ZNF740: variants seen among roughly 807,000 people sequenced by gnomAD.
ZNF740 encodes zinc finger protein 740, also known as oriLyt TD-element-binding protein 7.
A neutral mutation model predicts 24.8 loss-of-function variants in ZNF740; 14 were observed. That is an observed-to-expected ratio of 0.56 (90% CI 0.37 to 0.88). ZNF740 has a LOEUF of 0.88. Ranked by LOEUF, ZNF740 falls within the 40% of genes least tolerant of loss-of-function variation. ZNF740 has a pLI of 0.00. For missense variants in ZNF740, 201 were observed against 247.9 expected (o/e 0.81, Z 1.27); for synonymous variants, 69 against 84.0 (o/e 0.82, Z 0.98).
At position 53,193,655 on chromosome 12, in the gene ZNF740, G is replaced by C; in HGVS notation, c.*6065G>C. 1 of 1,487,114 alleles carries C rather than the reference G, an allele frequency of 6.7e-7. No individual in the cohort carries two copies. The highest frequency in any genetic ancestry group is 9.2e-7 in the Non-Finnish European group (1 of 1,086,956). The allele number at this position is 1,487,114 out of a possible 1,614,324, so 92.1% of individuals were successfully genotyped here. ...GAAAGCAGCGGAGGAATACGGGCCA[G>C]GGTTGGTTGGTTGTTGGGAGCCAGG... On this transcript the variant is annotated 3_prime_UTR_variant, in exon 7 of 7. Coordinates refer to ENST00000416904, the MANE Select transcript of ZNF740 (RefSeq NM_001004304.4).
rs980962063 is a variant in ZNF740 at position 53,186,225 on chromosome 12, G to T, written c.373+148G>T. The T allele has an allele frequency of 9.6e-6, 12 of 1,248,504 alleles. No homozygotes were observed. In the South Asian group the frequency reaches 1.7e-4, roughly 17 times the overall value. The allele number at this position is 1,248,504 out of a possible 1,614,324, so 77.3% of individuals were successfully genotyped here. ...GTCAATGAAGCAGAGAGATTGCATG[G>T]CTTTGTATCTGGTGTCACTGAGACC... On this transcript the variant is annotated intron_variant, in intron 5 of 6. Transcript: ENST00000416904.
rs1942087087 is a variant in ZNF740 at position 53,194,480 on chromosome 12, GTCGA to G, written c.*6891_*6894del. On this transcript the variant is annotated 3_prime_UTR_variant, in exon 7 of 7. Coordinates refer to ENST00000416904, the MANE Select transcript of ZNF740 (RefSeq NM_001004304.4). ...CCTGGGGCTCCTTCCATTCTGCCCA[GTCGA>G]GGCATTTCTGGAGGGAGGACCCGTG... 1 of 815,110 alleles carries G rather than the reference GTCGA, an allele frequency of 1.2e-6. No homozygotes were observed. 50.5% of individuals were successfully genotyped at this position (815,110 alleles called of 1,614,324 possible).
At position 53,193,584 on chromosome 12, in the gene ZNF740, CTGAG is replaced by C. The variant is rs1942047324; in HGVS notation, c.*5997_*6000del. The C allele has an allele frequency of 1.1e-6, 1 of 908,712 alleles. No individual in the cohort carries two copies. The highest frequency in any genetic ancestry group is 1.7e-6 in the Non-Finnish European group (1 of 605,304). The allele number at this position is 908,712 out of a possible 1,614,324, so 56.3% of individuals were successfully genotyped here. A position where few individuals can be genotyped will look rare whatever the true frequency, so the allele number is the denominator to read the frequency against. On this transcript the variant is annotated 3_prime_UTR_variant, in exon 7 of 7. Transcript: ENST00000416904. ...ACATGGGAAGCTTCAAGGGATGAAA[CTGAG>C]TGGGGAGTCGGGATGTCGAGGAGAC...
At chr12:53,184,395 C>T (rs1941782329) in intron 2 of ZNF740, among the ~76,000 whole-genome samples, 1 of 152,086 alleles carries the variant, frequency 6.6e-6, no homozygotes, top group Non-Finnish European at 1.5e-5. Flanking sequence ...CACCTATTGT[C>T]CAGGCTTGTC....
At position 53,191,534 on chromosome 12, in the gene ZNF740, T is replaced by A; in HGVS notation, c.*3944T>A. 1 of 1,570,632 alleles carries A rather than the reference T, an allele frequency of 6.4e-7. No homozygotes were observed. The highest frequency in any genetic ancestry group is 1.3e-5 in the African/African-American group (1 of 74,138). On this transcript the variant is annotated 3_prime_UTR_variant, in exon 7 of 7. Coordinates refer to ENST00000416904, the MANE Select transcript of ZNF740 (RefSeq NM_001004304.4). ...CACTGTCCTCCAAGGAGAAGAGCCT[T>A]GGGTAAGTGTCCCTCCCTCCTTCAG...
chr12:53,181,739 C>T lies in ZNF740; in HGVS notation c.-245C>T. ...CAACTGGAAAACCAAGACTGGTAGA[C>T]TCTCTTTTTCTTCAGACAATAGGCA... On this transcript the variant is annotated 5_prime_UTR_variant, in exon 2 of 7. Transcript: ENST00000416904. 1.9e-6 allele frequency: 1 copy of T among 539,482 alleles called. No homozygotes were observed. Among genetic ancestry groups the T allele is most frequent in the Non-Finnish European group, 3.1e-6 (1 of 319,284 alleles). 33.4% of individuals were successfully genotyped at this position (539,482 alleles called of 1,614,324 possible). A position where few individuals can be genotyped will look rare whatever the true frequency, so the allele number is the denominator to read the frequency against.
At position 53,186,310 on chromosome 12, in the gene ZNF740, G is replaced by A. The variant is rs1049860416; in HGVS notation, c.374-81G>A. 7.4e-6 allele frequency: 10 copies of A among 1,350,888 alleles called. No individual in the cohort carries two copies. In the African/African-American group the frequency reaches 1.3e-4, roughly 18 times the overall value. The allele number at this position is 1,350,888 out of a possible 1,614,324, so 83.7% of individuals were successfully genotyped here. A position where few individuals can be genotyped will look rare whatever the true frequency, so the allele number is the denominator to read the frequency against. ...CTTAGGTGTCTACACATTACTAAGA[G>A]TTAAAGTTTCTGAGAAAACTGGAAT... is the stretch of plus-strand genomic sequence containing the variant. On this transcript the variant is annotated intron_variant, in intron 5 of 6. Coordinates refer to ENST00000416904, the MANE Select transcript of ZNF740 (RefSeq NM_001004304.4).
At position 53,193,719 on chromosome 12, in the gene ZNF740, A is replaced by G; in HGVS notation, c.*6129A>G. 1.2e-6 allele frequency: 2 copies of G among 1,612,662 alleles called. No homozygotes were observed. The highest frequency in any genetic ancestry group is 2.2e-5 in the South Asian group (2 of 90,954). On this transcript the variant is annotated 3_prime_UTR_variant, in exon 7 of 7. Coordinates refer to ENST00000416904, the MANE Select transcript of ZNF740 (RefSeq NM_001004304.4). ...GAGGAGGCCCTCACCTGCATACACC[A>G]CATTGTAGGTGTCCCTGGCCATCAC...
chr12:53,181,037 C>T (rs1381488729), intron 1 of ZNF740, 200 bp downstream of exon 1: 2 of 884,196 alleles, frequency 2.3e-6, no homozygotes, highest in Non-Finnish European at 2.8e-6. Flanking sequence ...CGCCGCGTCC[C>T]CGGCCCGGGA....
At position 53,187,488 on chromosome 12, in the gene ZNF740, C is replaced by T. The variant is rs1278798558; in HGVS notation, c.493-13C>T. ...TTGTCTGCTCAGGCACTTAACCCTC[C>T]CTTTCTTCTCAGTGTTTTTCTCGGA... On this transcript the variant is annotated splice_polypyrimidine_tract_variant and intron_variant, in intron 6 of 6. Coordinates refer to ENST00000416904, the MANE Select transcript of ZNF740 (RefSeq NM_001004304.4). The T allele has an allele frequency of 1.2e-5, 20 of 1,613,046 alleles. No individual in the cohort carries two copies. The highest frequency in any genetic ancestry group is 1.7e-5 in the Non-Finnish European group (20 of 1,179,124).
Position 53,185,446 on chromosome 12 carries a change from G to A in ZNF740, c.219G>A (p.Glu73=). The A allele has an allele frequency of 1.2e-6, 2 of 1,613,988 alleles. No individual in the cohort carries two copies. The highest frequency in any genetic ancestry group is 2.7e-5 in the African/African-American group (2 of 75,048). ...GCAAAGATGATGACAGCTTGTCTGAGGCCTCTCATTCAAAAAAGACTGTTA... is the reference window on the plus strand; with the variant it reads ...GCAAAGATGATGACAGCTTGTCTGAAGCCTCTCATTCAAAAAAGACTGTTA... ...RSRKDDDSLS[E]ASHSKKTVKK... is the part of the protein sequence containing the mutation. The change falls in exon 4 of 7, where the codon GAG becomes GAA. Residue 73 remains glutamate (E), a synonymous_variant. Coordinates refer to ENST00000416904, the MANE Select transcript of ZNF740 (RefSeq NM_001004304.4).
chr12:53,185,039 A>G lies in ZNF740; in HGVS notation c.158A>G (p.Gln53Arg). Residue 53 changes from glutamine (Q) to arginine (R), a missense_variant and splice_region_variant, in exon 3 of 7, where the codon CAG becomes CGG. Physicochemically the swap from Gln to Arg is conservative, Grantham distance 43 (BLOSUM62 1). Transcript: ENST00000416904. ...GSPDVLRCSS[Q>R]GHRKDSDKSR... ...CCTGATGTGCTGAGGTGCTCGAGTC[A>G]GGTACAGCGCTTGAGTCCATTGTGG... 6.2e-7 allele frequency: 1 copy of G among 1,613,872 alleles called. No individual in the cohort carries two copies.
intron 2 of ZNF740, among the ~76,000 whole-genome samples, chr12:53,183,527 C>T (rs1941745947): frequency 6.6e-6 from 1 of 151,976 alleles, no homozygotes; most frequent in East Asian, 1.9e-4. Flanking sequence ...TTCTTTAATG[C>T]CGGCTAACCG....
rs747177657 is a variant in ZNF740, at chr12:53,194,270, A to G, written c.*6680A>G. Reference sequence around the variant, plus strand: ...TACCCTCCCTCTTCTCAGGACCCTCACACTGGGATTCGTAAGAAATGTGGA... The same window carrying G: ...TACCCTCCCTCTTCTCAGGACCCTCGCACTGGGATTCGTAAGAAATGTGGA... On this transcript the variant is annotated 3_prime_UTR_variant, in exon 7 of 7. Coordinates refer to ENST00000416904, the MANE Select transcript of ZNF740 (RefSeq NM_001004304.4). 6.2e-7 allele frequency: 1 copy of G among 1,613,688 alleles called. No homozygotes were observed. The highest frequency in any genetic ancestry group is 8.5e-7 in the Non-Finnish European group (1 of 1,179,888).
At chr12:53,183,129 TC>T (rs1210872215) in intron 2 of ZNF740, among the ~76,000 whole-genome samples, 5 of 152,244 alleles carry the variant, frequency 3.3e-5, no homozygotes, top group Non-Finnish European at 7.3e-5. Flanking sequence ...AGTTTCTTCT[TC>T]CTTTGTGTTT....
rs1565693292 is a variant in ZNF740, at chr12:53,188,399, TTTC to T, written c.*815_*817del. On this transcript the variant is annotated 3_prime_UTR_variant, in exon 7 of 7. Transcript: ENST00000416904. The stretch of plus-strand genomic sequence containing the variant: ...GGGTGAGAGTGGCCCATGAAGCCCT[TTTC>T]TTCTTTTTTTGGGGAGTCGGTCTTG... 1 of 152,574 alleles carries T rather than the reference TTTC, an allele frequency of 6.6e-6. No homozygotes were observed. Among genetic ancestry groups the T allele is most frequent in the African/African-American group, 2.4e-5 (1 of 41,426 alleles). The allele number at this position is 152,574 out of a possible 1,614,324, so 9.5% of individuals were successfully genotyped here.
chr12:53,185,090 T>A, intron 3 of ZNF740, 50 bp downstream of exon 3: 1 of 1,608,458 alleles, frequency 6.2e-7, no homozygotes, highest in Non-Finnish European at 8.5e-7. Flanking sequence ...TGGCCCAAGC[T>A]CTCTGCCAGG....
In ZNF740 at chr12:53,180,925, G is replaced by GGGGGA. The variant is rs1157428458; in HGVS notation, c.-308+101_-308+105dup. Reference sequence around the variant, plus strand: ...CAAGCCGTGGGGTGCCGCGCGGGAAGGGGGAGGGGAGGGGAGGAGGGGCGC... The same window carrying GGGGGA: ...CAAGCCGTGGGGTGCCGCGCGGGAAGGGGGAGGGGAGGGGAGGGGAGGAGGGGCGC... On this transcript the variant is annotated intron_variant, in intron 1 of 6. Coordinates refer to ENST00000416904, the MANE Select transcript of ZNF740 (RefSeq NM_001004304.4). 1.8e-5 allele frequency: 20 copies of GGGGGA among 1,086,590 alleles called. No individual in the cohort carries two copies. The African/African-American group carries it at 1.9e-4, about 10-fold the overall frequency. The allele number at this position is 1,086,590 out of a possible 1,614,324, so 67.3% of individuals were successfully genotyped here.
At chr12:53,184,223 C>A (rs1286452323) in intron 2 of ZNF740, among the ~76,000 whole-genome samples, 1 of 144,930 alleles carries the variant, frequency 6.9e-6, no homozygotes, top group African/African-American at 2.6e-5. Context: ...GATTCTCGCT[C>A]TGTTGCCCAG....
Sources: allele counts gnomAD v4.1 joint callset (sites outside exome capture counted in the v4.1 genomes callset), GRCh38; gene constraint gnomAD v4.1.1; transcripts MANE v1.5; gene names NCBI Gene and HGNC (gene_info 2026-07-23, HGNC 2026-07-21).